CEACAM16: variants seen among roughly 807,000 people sequenced by gnomAD.
CEACAM16 encodes CEA cell adhesion molecule 16, tectorial membrane component, also known as cell adhesion molecule CEACAM16.
A neutral mutation model predicts 39.4 loss-of-function variants in CEACAM16; 30 were observed. That is an observed-to-expected ratio of 0.76 (90% confidence interval 0.57 to 1.03). The LOEUF is 1.03. Ranked by LOEUF, CEACAM16 falls within the 50% of genes least tolerant of loss-of-function variation. The pLI, the probability that CEACAM16 is intolerant of heterozygous loss-of-function variation, is 0.00. For missense variants in CEACAM16, 521 were observed against 585.3 expected, an observed-to-expected ratio of 0.89 and a Z score of 1.13; for synonymous variants, 262 against 264.9, an observed-to-expected ratio of 0.99 and a Z score of 0.11.
rs1427396301 is a variant in CEACAM16, at chr19:44,706,170, G to C, written c.940+302G>C. Among the ~76,000 whole-genome samples the C allele has an allele frequency of 5.3e-5, 8 of 152,006 alleles. No homozygotes were observed. In the South Asian group the frequency reaches 1.7e-3, roughly 32 times the overall value. On this transcript the variant is annotated intron_variant, in intron 5 of 6. Coordinates refer to ENST00000587331, the MANE Select transcript of CEACAM16 (RefSeq NM_001039213.4). ...TCTAAATTCAGTCACCAGCTGTTTA[G>C]GGCCTTGACCCTCTACCCGCCCCCA...
Position 44,710,687 on chromosome 19 carries a change from C to A in CEACAM16, c.*181C>A. 1 of 730,390 alleles carries A rather than the reference C, an allele frequency of 1.4e-6. No homozygotes were observed. The allele number at this position is 730,390 out of a possible 1,614,324, so 45.2% of individuals were successfully genotyped here. A position where few individuals can be genotyped will look rare whatever the true frequency, so the allele number is the denominator to read the frequency against. On this transcript the variant is annotated 3_prime_UTR_variant, in exon 7 of 7. Transcript: ENST00000587331. ...ACTCCCTCGCTGAGCTGTTGGGGAG[C>A]CACCGAGGCCATAAACGTCCTGGTT...
In CEACAM16 at chr19:44,701,374, C is replaced by G; in HGVS notation, c.-83C>G. ...AAACCCTCCCAGGTCCTGCGGCAGACGGAGCCGAGCCCCAACCAGGAAGGG... is the reference window on the plus strand; with the variant it reads ...AAACCCTCCCAGGTCCTGCGGCAGAGGGAGCCGAGCCCCAACCAGGAAGGG... On this transcript the variant is annotated 5_prime_UTR_variant, in exon 2 of 7. Coordinates refer to ENST00000587331, the MANE Select transcript of CEACAM16 (RefSeq NM_001039213.4). The surrounding 1 kb of genome is among the most constrained non-coding windows in gnomAD (Gnocchi z 4.0). The G allele has an allele frequency of 7.0e-7, 1 of 1,436,000 alleles. No individual in the cohort carries two copies. The highest frequency in any genetic ancestry group is 9.6e-7 in the Non-Finnish European group (1 of 1,041,640). The allele number at this position is 1,436,000 out of a possible 1,614,324, so 89.0% of individuals were successfully genotyped here. A position where few individuals can be genotyped will look rare whatever the true frequency, so the allele number is the denominator to read the frequency against.
rs1974381392 is a variant in CEACAM16 at position 44,703,399 on chromosome 19, C to T, written c.88C>T (p.Gln30Ter). The T allele has an allele frequency of 6.2e-7, 1 of 1,613,648 alleles. No homozygotes were observed. Among genetic ancestry groups the T allele is most frequent in the Non-Finnish European group, 8.5e-7 (1 of 1,179,908 alleles). ...GATCTCTATCACCCTGGAGCCTGCC[C>T]AGCCGAGCGAAGGGGACAACGTCAC... Reference protein sequence around the residue: ...AEISITLEPAQPSEGDNVTLV... With the variant: ...AEISITLEPA Residue 30 changes from glutamine to a stop codon, truncating the protein, a stop_gained, in exon 3 of 7, where the codon CAG (glutamine) becomes TAG (stop). Transcript: ENST00000587331. LOFTEE classifies it high-confidence loss of function.
intron 4 of CEACAM16, among the ~76,000 whole-genome samples, chr19:44,704,653 G>T (rs1027585056): frequency 9.2e-5 from 14 of 152,028 alleles, no homozygotes; most frequent in African/African-American, 3.1e-4. Context: ...GATTCCTTGA[G>T]CCCCGGAGGC....
chr19:44,705,714 T>C lies in CEACAM16; in HGVS notation c.786T>C (p.Tyr262=), dbSNP rs938508463. The C allele has an allele frequency of 2.5e-6, 4 of 1,613,922 alleles. No individual in the cohort carries two copies. The highest frequency in any genetic ancestry group is 1.6e-4 in the Middle Eastern group (1 of 6,062). Residue 262 remains tyrosine (Y), a synonymous_variant, in exon 5 of 7, where the codon TAT becomes TAC. Coordinates refer to ENST00000587331, the MANE Select transcript of CEACAM16 (RefSeq NM_001039213.4). ...CCAGGTCCTGCCCAGAGCCCGAGTA[T>C]GTGTGGACCTTCAACGGGCAGGCCC... The part of the protein sequence containing the change: ...CVSRSCPEPE[Y]VWTFNGQALK...
chr19:44,706,076 A>G (rs913149542), intron 5 of CEACAM16, among the ~76,000 whole-genome samples: 2 of 152,170 alleles, frequency 1.3e-5, no homozygotes, highest in Middle Eastern at 3.2e-3. Flanking sequence ...CTAGAGAACA[A>G]ATGGCAAACC....
intron 5 of CEACAM16, 25 bp from the exon 6 acceptor site, chr19:44,707,835 AC>A: frequency 6.7e-7 from 1 of 1,491,886 alleles, no homozygotes; most frequent in Non-Finnish European, 9.0e-7. Context: ...GACCAAACTG[AC>A]CCAGCCCGCT....
chr19:44,707,387 G>GAC (rs1599813848), intron 5 of CEACAM16, among the ~76,000 whole-genome samples: 1 of 152,284 alleles, frequency 6.6e-6, no homozygotes, highest in East Asian at 1.9e-4. Context: ...TGATGGAGGA[G>GAC]ACATGCTCTC....
Position 44,708,081 on chromosome 19 carries a change from G to A in CEACAM16, c.1161G>A (p.Ser387=), listed in dbSNP as rs765821525. The A allele has an allele frequency of 8.1e-6, 13 of 1,612,272 alleles. No homozygotes were observed. Among genetic ancestry groups the A allele is most frequent in the Non-Finnish European group, 1.1e-5 (13 of 1,179,378 alleles). The stretch of plus-strand genomic sequence containing the variant: ...GGGAGGTGGGCTTCCCCAACTGCTC[G>A]CTGTTGGTGCAGAAGCTGAACCTCA... ...TGREVGFPNC[S]LLVQKLNLTD... is the part of the protein sequence containing the mutation. The change falls in exon 6 of 7, where the codon TCG becomes TCA. Residue 387 remains serine, a synonymous_variant. Coordinates refer to ENST00000587331, the MANE Select transcript of CEACAM16 (RefSeq NM_001039213.4).
Position 44,710,477 on chromosome 19 carries a change from C to T in CEACAM16, c.1268-19C>T, listed in dbSNP as rs368670088. 40 of 1,610,980 alleles carry T rather than the reference C, an allele frequency of 2.5e-5. No homozygotes were observed. The highest frequency in any genetic ancestry group is 3.3e-4 in the Middle Eastern group (2 of 6,060). Reference sequence around the variant, plus strand: ...TCTCTGACATCCTCCTTCGCCCCCTCGCCCCATATGCCCCACAGCCCTGGG... The same window carrying T: ...TCTCTGACATCCTCCTTCGCCCCCTTGCCCCATATGCCCCACAGCCCTGGG... On this transcript the variant is annotated intron_variant, in intron 6 of 6. Coordinates refer to ENST00000587331, the MANE Select transcript of CEACAM16 (RefSeq NM_001039213.4).
intron 5 of CEACAM16, among the ~76,000 whole-genome samples, chr19:44,706,878 C>T (rs74439503): frequency 0.014 from 2,173 of 152,314 alleles, 21 homozygotes; most frequent in Middle Eastern, 0.024. Flanking sequence ...GAAAAGGAGA[C>T]GCCACCCTCC....
intron 4 of CEACAM16, among the ~76,000 whole-genome samples, chr19:44,705,019 A>G (rs1409873983): frequency 6.6e-6 from 1 of 152,154 alleles, no homozygotes; most frequent in African/African-American, 2.4e-5. Context: ...ATAAATCACC[A>G]AGGTACATGA....
chr19:44,703,783 C>T lies in CEACAM16; in HGVS notation c.382+90C>T, dbSNP rs543387474. On this transcript the variant is annotated intron_variant, in intron 3 of 6. Coordinates refer to ENST00000587331, the MANE Select transcript of CEACAM16 (RefSeq NM_001039213.4). Reference sequence around the variant, plus strand: ...CTTTTTTTTAAAAAAAAAAAAAATCCAACAAATCATCAGGGAAACCATCAG... The same window carrying T: ...CTTTTTTTTAAAAAAAAAAAAAATCTAACAAATCATCAGGGAAACCATCAG... The T allele has an allele frequency of 5.6e-6, 6 of 1,069,662 alleles. No individual in the cohort carries two copies. In the African/African-American group the frequency reaches 9.6e-5, roughly 17 times the overall value. The allele number at this position is 1,069,662 out of a possible 1,614,324, so 66.3% of individuals were successfully genotyped here.
Position 44,708,128 on chromosome 19 carries a change from T to C in CEACAM16, c.1208T>C (p.Leu403Pro), listed in dbSNP as rs757906572. 3.7e-6 allele frequency: 6 copies of C among 1,607,744 alleles called. No individual in the cohort carries two copies. Among genetic ancestry groups the C allele is most frequent in the Non-Finnish European group, 5.1e-6 (6 of 1,177,198 alleles). ...CTCACAGACACTGGCCGCTACACAC[T>C]CAAGACTGTCACAGTGCAGGGCAAG... The part of the protein sequence containing the change: ...LNLTDTGRYT[L>P]KTVTVQGKTE... The change falls in exon 6 of 7, where the codon CTC becomes CCC. Residue 403 changes from leucine to proline, a missense_variant. Physicochemically the swap from Leu to Pro is moderately conservative, Grantham distance 98. Transcript: ENST00000587331.
intron 4 of CEACAM16, among the ~76,000 whole-genome samples, chr19:44,704,788 C>T (rs1462669442): frequency 1.3e-5 from 2 of 151,904 alleles, no homozygotes; most frequent in Non-Finnish European, 2.9e-5. Flanking sequence ...AAAAAATACA[C>T]TTGCCCCATA....
At position 44,705,717 on chromosome 19, in the gene CEACAM16, G is replaced by A. The variant is rs1170337984; in HGVS notation, c.789G>A (p.Val263=). The A allele has an allele frequency of 1.9e-6, 3 of 1,614,002 alleles. No individual in the cohort carries two copies. Among genetic ancestry groups the A allele is most frequent in the Non-Finnish European group, 2.5e-6 (3 of 1,179,884 alleles). The change falls in exon 5 of 7, where the codon GTG becomes GTA. Residue 263 remains valine, a synonymous_variant. Coordinates refer to ENST00000587331, the MANE Select transcript of CEACAM16 (RefSeq NM_001039213.4). ...GGTCCTGCCCAGAGCCCGAGTATGTGTGGACCTTCAACGGGCAGGCCCTAA... is the reference window on the plus strand; with the variant it reads ...GGTCCTGCCCAGAGCCCGAGTATGTATGGACCTTCAACGGGCAGGCCCTAA... ...VSRSCPEPEY[V]WTFNGQALKN... is the part of the protein sequence containing the mutation.
intron 2 of CEACAM16, among the ~76,000 whole-genome samples, chr19:44,702,777 C>A (rs901285789): frequency 4.6e-5 from 7 of 152,250 alleles, no homozygotes; most frequent in Admixed American, 3.3e-4. Flanking sequence ...GGATACGCAG[C>A]CGGATCTCGC....
intron 3 of CEACAM16, 74 bp from the exon 4 acceptor site, chr19:44,703,944 C>G (rs1294445576): frequency 1.2e-5 from 17 of 1,469,692 alleles, no homozygotes; most frequent in Admixed American, 4.4e-5. Flanking sequence ...GGCCATGCCC[C>G]TTGTTGGGGG....
intron 4 of CEACAM16, among the ~76,000 whole-genome samples, 173 bp downstream of exon 4, chr19:44,704,469 G>A (rs1974409295): frequency 6.6e-6 from 1 of 152,202 alleles, no homozygotes. Flanking sequence ...AGTGGCTCAC[G>A]CCTGTAATCC....
Sources: allele counts gnomAD v4.1 joint callset (sites outside exome capture counted in the v4.1 genomes callset), GRCh38; gene constraint gnomAD v4.1.1; non-coding constraint Gnocchi (gnomAD v3.1); transcripts MANE v1.5; gene names NCBI Gene and HGNC (gene_info 2026-07-23, HGNC 2026-07-21).